The following CASZ1 variants were observed in gnomAD, a reference collection of about 807,000 sequenced individuals.
CASZ1 encodes the protein castor zinc finger 1.
A neutral mutation model predicts 135.2 loss-of-function variants in CASZ1; 28 were observed. The ratio of observed to expected loss-of-function variants is 0.21; its 90% CI spans 0.15 to 0.28. The LOEUF (loss-of-function observed/expected upper bound fraction) is 0.28. Among genes scored for constraint, CASZ1 ranks in the 10% least tolerant of loss-of-function variants. The pLI, the probability that CASZ1 is intolerant of heterozygous loss-of-function variation, is 1.00. For missense variants in CASZ1, 2,161 were observed against 2,453.3 expected (o/e 0.88, Z 2.52); for synonymous variants, 1,068 against 1,073.4 (o/e 0.99, Z 0.10).
At position 10,694,678 on chromosome 1, in the gene CASZ1, G is replaced by A. The variant is rs1436169996; in HGVS notation, c.-23-766C>T. Among the ~76,000 whole-genome samples, 1 of 138,602 alleles carries A rather than the reference G, an allele frequency of 7.2e-6. No individual in the cohort carries two copies. Among genetic ancestry groups the A allele is most frequent in the Non-Finnish European group, 1.6e-5 (1 of 63,410 alleles). 90.9% of individuals were successfully genotyped at this position (138,602 alleles called of 152,430 possible). A position where few individuals can be genotyped will look rare whatever the true frequency, so the allele number is the denominator to read the frequency against. On this transcript the variant is annotated intron_variant, in intron 3 of 20. Coordinates refer to ENST00000377022, the MANE Select transcript of CASZ1 (RefSeq NM_001079843.3). This position sits in a 1 kb window ranked among gnomAD's most constrained non-coding sequence, Gnocchi z 6.6. ...TGCCGGAGTGAATGGGCTCGCGCTC[G>A]CTCGCGCCCCCGCCGCGCGCCCCCG...
rs1642095492 is a variant in CASZ1, at chr1:10,639,057, G to A, written c.5165C>T (p.Ser1722Leu). The A allele has an allele frequency of 4.6e-6, 5 of 1,086,408 alleles. No individual in the cohort carries two copies. The highest frequency in any genetic ancestry group is 4.6e-6 in the Non-Finnish European group (4 of 877,130). 67.3% of individuals were successfully genotyped at this position (1,086,408 alleles called of 1,614,324 possible). ...DEDLRTDSEE[S>L]LPEAAAEAAG... Reference sequence around the variant, plus strand: ...CGCCTCCGCCGCCGCCTCGGGCAGCGACTCCTCCGAGTCGGTGCGCAGGTC... The same window carrying A: ...CGCCTCCGCCGCCGCCTCGGGCAGCAACTCCTCCGAGTCGGTGCGCAGGTC... Residue 1722 changes from serine to leucine, a missense_variant, in exon 21 of 21, where the codon TCG becomes TTG. Coordinates refer to ENST00000377022, the MANE Select transcript of CASZ1 (RefSeq NM_001079843.3). The surrounding 1 kb of genome is among the most constrained non-coding windows in gnomAD (Gnocchi z 4.0).
chr1:10,744,906 C>G (rs986180060), intron 2 of CASZ1, among the ~76,000 whole-genome samples: 2 of 152,184 alleles, frequency 1.3e-5, no homozygotes, highest in Non-Finnish European at 2.9e-5. Context: ...GCATGTCTGC[C>G]ATGTGCTCCG....
chr1:10,796,234 C>G (rs1641068092), intron 1 of CASZ1, among the ~76,000 whole-genome samples: 1 of 151,998 alleles, frequency 6.6e-6, no homozygotes, highest in Non-Finnish European at 1.5e-5. Context: ...TTGGAGTAAG[C>G]GACCCCCAGG....
intron 4 of CASZ1, among the ~76,000 whole-genome samples, chr1:10,683,766 G>C (rs1638500657): frequency 6.6e-6 from 1 of 152,196 alleles, no homozygotes; most frequent in Non-Finnish European, 1.5e-5. Context: ...ACTCCGGGAT[G>C]CCTCTAGAAA....
rs1640938298 is a variant in CASZ1, at chr1:10,790,570, A to G, written c.-234+5994T>C. Among the ~76,000 whole-genome samples the G allele has an allele frequency of 2.0e-5, 3 of 152,170 alleles. No individual in the cohort carries two copies. In the South Asian group the frequency reaches 6.2e-4, roughly 32 times the overall value. ...GGCTCGGCCTTCTCTTCTCCTCTTC[A>G]GAAACAAGATACCAAATAAATCTCT... On this transcript the variant is annotated intron_variant, in intron 1 of 20. Coordinates refer to ENST00000377022, the MANE Select transcript of CASZ1 (RefSeq NM_001079843.3).
intron 4 of CASZ1, among the ~76,000 whole-genome samples, chr1:10,675,211 G>A (rs1643529872): frequency 6.6e-6 from 1 of 152,206 alleles, no homozygotes; most frequent in Non-Finnish European, 1.5e-5. Flanking sequence ...TAAAAATAAA[G>A]GGATGTTTGG....
At chr1:10,660,641 G>T in intron 5 of CASZ1, 105 bp from the exon 6 acceptor site, 1 of 823,428 alleles carries the variant, frequency 1.2e-6, no homozygotes, top group Non-Finnish European at 1.9e-6. Context: ...TCAGTGTGGG[G>T]AGGGGCGGAG....
chr1:10,712,849 A>G (rs568704431), intron 2 of CASZ1, among the ~76,000 whole-genome samples: 47 of 152,312 alleles, frequency 3.1e-4, no homozygotes, highest in African/African-American at 1.1e-3. Flanking sequence ...TGCTCCCCAG[A>G]TAACTTTTGC....
intron 2 of CASZ1, among the ~76,000 whole-genome samples, chr1:10,740,376 C>T (rs1023514675): frequency 1.3e-5 from 2 of 152,226 alleles, no homozygotes; most frequent in Admixed American, 1.3e-4. Context: ...GGCTTCAGCT[C>T]CACATCTGTA....
In CASZ1 at chr1:10,656,181, G is replaced by T. The variant is rs929379636; in HGVS notation, c.1501-368C>A. On this transcript the variant is annotated intron_variant, in intron 8 of 20. Transcript: ENST00000377022. ...GCTGGGATCCCTGGCAAGCCAGAGG[G>T]AGCCACCCCACGCAGGCTGCCCTGA... Among the ~76,000 whole-genome samples, 3 of 152,182 alleles carry T rather than the reference G, an allele frequency of 2.0e-5. No homozygotes were observed. In the East Asian group the frequency reaches 5.8e-4, roughly 29 times the overall value.
intron 4 of CASZ1, among the ~76,000 whole-genome samples, chr1:10,683,665 T>G (rs749383987): frequency 1.1e-4 from 17 of 152,126 alleles, no homozygotes; most frequent in Non-Finnish European, 1.8e-4. Context: ...TTCACTTCCA[T>G]TTCACCACAG....
chr1:10,773,427 G>C (rs1432013756), intron 1 of CASZ1, among the ~76,000 whole-genome samples: 1 of 151,994 alleles, frequency 6.6e-6, no homozygotes, highest in Non-Finnish European at 1.5e-5. Context: ...AGCTGGCCTG[G>C]GAGGGATTGG....
chr1:10,774,885 C>T lies in CASZ1; in HGVS notation c.-233-14028G>A, dbSNP rs1413441612. Reference sequence around the variant, plus strand: ...CCCCACGTGTCTCCTGCAACCATCTCTGTTCCAGCTTCTCTTCCAGACTCC... The same window carrying T: ...CCCCACGTGTCTCCTGCAACCATCTTTGTTCCAGCTTCTCTTCCAGACTCC... On this transcript the variant is annotated intron_variant, in intron 1 of 20. Coordinates refer to ENST00000377022, the MANE Select transcript of CASZ1 (RefSeq NM_001079843.3). This position sits in a 1 kb window ranked among gnomAD's most constrained non-coding sequence, Gnocchi z 4.4. Among the ~76,000 whole-genome samples the T allele has an allele frequency of 6.6e-6, 1 of 152,212 alleles. No homozygotes were observed. Among genetic ancestry groups the T allele is most frequent in the Admixed American group, 6.5e-5 (1 of 15,286 alleles).
chr1:10,672,723 C>T (rs1421585554), intron 4 of CASZ1, among the ~76,000 whole-genome samples: 2 of 152,132 alleles, frequency 1.3e-5, no homozygotes, highest in African/African-American at 2.4e-5. Flanking sequence ...CAATAGAGGT[C>T]GGCAGCTGCG....
At chr1:10,685,047 C>T (rs939490054) in intron 4 of CASZ1, among the ~76,000 whole-genome samples, 1 of 152,254 alleles carries the variant, frequency 6.6e-6, no homozygotes, top group African/African-American at 2.4e-5. Context: ...AGCATGGCCT[C>T]CCTGCCAGGC....
intron 17 of CASZ1, among the ~76,000 whole-genome samples, chr1:10,645,300 G>A (rs1184947081): frequency 7.2e-5 from 11 of 152,238 alleles, no homozygotes; most frequent in African/African-American, 2.7e-4. Context: ...GGAGGCCGAG[G>A]TGGGCGGATC....
rs1363629618 is a variant in CASZ1 at position 10,666,389 on chromosome 1, G to A, written c.17-818C>T. Among the ~76,000 whole-genome samples the A allele has an allele frequency of 6.6e-6, 1 of 152,078 alleles. No individual in the cohort carries two copies. Among genetic ancestry groups the A allele is most frequent in the Non-Finnish European group, 1.5e-5 (1 of 68,008 alleles). On this transcript the variant is annotated intron_variant, in intron 4 of 20. Coordinates refer to ENST00000377022, the MANE Select transcript of CASZ1 (RefSeq NM_001079843.3). This position sits in a 1 kb window ranked among gnomAD's most constrained non-coding sequence, Gnocchi z 5.2. ...CTCCCTTCCCCAAGCCTCAGTCAGA[G>A]CCATCCAAGTGGAGTTCCTCATGGC...
intron 3 of CASZ1, among the ~76,000 whole-genome samples, chr1:10,703,636 C>G (rs1193750726): frequency 6.6e-6 from 1 of 152,084 alleles, no homozygotes; most frequent in African/African-American, 2.4e-5. Flanking sequence ...CAAGGTGCTC[C>G]CTGGAATCAG....
chr1:10,693,324 C>T (rs546599699), intron 4 of CASZ1, among the ~76,000 whole-genome samples: 76 of 151,952 alleles, frequency 5.0e-4, no homozygotes, highest in African/African-American at 1.5e-3. Flanking sequence ...CTTGATCATC[C>T]GACACAGCCT....
Sources: gnomAD v4.1 joint callset for allele counts (sites outside exome capture counted in the v4.1 genomes callset) on GRCh38, gnomAD v4.1.1 for gene constraint, Gnocchi (gnomAD v3.1) non-coding constraint, MANE v1.5 for transcripts, NCBI Gene and HGNC (gene_info 2026-07-23, HGNC 2026-07-21) for gene names.